ARHGAP15: variants seen among roughly 807,000 people sequenced by gnomAD.
The protein encoded by ARHGAP15 is Rho GTPase activating protein 15.
A neutral mutation model predicts 63.7 loss-of-function variants in ARHGAP15; 51 were observed. The observed-to-expected ratio is 0.80, with a 90% CI of 0.64 to 1.01. ARHGAP15 has a LOEUF of 1.01. Ranked by LOEUF, ARHGAP15 falls within the 50% of genes least tolerant of loss-of-function variation. The pLI, the probability that ARHGAP15 is intolerant of heterozygous loss-of-function variation, is 0.00. For missense variants in ARHGAP15, 560 were observed against 564.6 expected (o/e 0.99, Z 0.08); for synonymous variants, 191 against 193.8 (o/e 0.99, Z 0.12).
At chr2:143,269,375 C>A (rs1317931759) in intron 6 of ARHGAP15, among the ~76,000 whole-genome samples, 3 of 152,158 alleles carry the variant, frequency 2.0e-5, no homozygotes, top group Non-Finnish European at 4.4e-5. Context: ...ATGATCCTTA[C>A]AATCAACTTG....
intron 10 of ARHGAP15, 71 bp from the exon 11 acceptor site, chr2:143,556,337 T>C: frequency 8.3e-7 from 1 of 1,211,104 alleles, no homozygotes; most frequent in Non-Finnish European, 1.2e-6. Context: ...TACTCCTTCT[T>C]TTCATAGATT....
intron 1 of ARHGAP15, among the ~76,000 whole-genome samples, chr2:143,140,969 A>C (rs1339789988): frequency 6.6e-6 from 1 of 152,178 alleles, no homozygotes; most frequent in Non-Finnish European, 1.5e-5. Context: ...GCAAGTGGGC[A>C]GTAGGTTCAG....
intron 13 of ARHGAP15, among the ~76,000 whole-genome samples, chr2:143,735,317 T>A (rs548877068): frequency 6.6e-6 from 1 of 152,268 alleles, no homozygotes; most frequent in African/African-American, 2.4e-5. Flanking sequence ...ATTTGCTGGA[T>A]CACATAACTG....
chr2:143,704,627 A>G (rs536196836), intron 13 of ARHGAP15, among the ~76,000 whole-genome samples: 1 of 152,296 alleles, frequency 6.6e-6, no homozygotes, highest in East Asian at 1.9e-4. Context: ...GCCTTCTGTT[A>G]ACACCTTCTT....
At chr2:143,373,649 A>AAAC (rs1553470791) in intron 6 of ARHGAP15, among the ~76,000 whole-genome samples, 1,404 of 127,848 alleles carry the variant, frequency 0.011, 53 homozygotes, top group South Asian at 0.02. Flanking sequence ...AAAAAAAAAA[A>AAAC]AAAAAAAAAA....
intron 6 of ARHGAP15, among the ~76,000 whole-genome samples, chr2:143,420,910 C>T (rs1251261214): frequency 6.6e-6 from 1 of 152,174 alleles, no homozygotes; most frequent in African/African-American, 2.4e-5. Flanking sequence ...TTAGCTTTCG[C>T]TCCCATCACA....
At chr2:143,638,256 G>A (rs1374318095) in intron 12 of ARHGAP15, among the ~76,000 whole-genome samples, 1 of 143,912 alleles carries the variant, frequency 6.9e-6, no homozygotes, top group Non-Finnish European at 1.5e-5. Flanking sequence ...CAACCCAAAT[G>A]TCCAACAATG....
At chr2:143,592,137 C>A (rs13424103) in intron 11 of ARHGAP15, among the ~76,000 whole-genome samples, 42,435 of 151,872 alleles carry the variant, frequency 0.28, 6,584 homozygotes, top group African/African-American at 0.42. Context: ...CCTAATATAT[C>A]CTCATTTGTT....
intron 6 of ARHGAP15, chr2:143,305,593 A>G (rs1199557161): frequency 6.6e-6 from 1 of 152,124 alleles, no homozygotes; most frequent in African/African-American, 2.4e-5. Flanking sequence ...AAAATGGTCA[A>G]ATATTGGCTC....
chr2:143,130,825 C>T (rs1688888957), intron 1 of ARHGAP15, among the ~76,000 whole-genome samples: 2 of 152,084 alleles, frequency 1.3e-5, no homozygotes, highest in African/African-American at 4.8e-5. Flanking sequence ...GTTGCATTTC[C>T]TCACAATGGA....
At chr2:143,622,346 G>A (rs1173733710) in intron 11 of ARHGAP15, among the ~76,000 whole-genome samples, 4 of 151,986 alleles carry the variant, frequency 2.6e-5, no homozygotes, top group African/African-American at 9.7e-5. Context: ...ATAAGGGCAC[G>A]CAGGGGGTGT....
At chr2:143,705,832 G>A (rs931939226) in intron 13 of ARHGAP15, among the ~76,000 whole-genome samples, 3 of 152,058 alleles carry the variant, frequency 2.0e-5, no homozygotes, top group Admixed American at 6.6e-5. Context: ...AATCTATCTA[G>A]TTAAAAACCT....
intron 12 of ARHGAP15, among the ~76,000 whole-genome samples, chr2:143,661,839 C>T (rs1340924858): frequency 1.3e-5 from 2 of 152,210 alleles, no homozygotes; most frequent in African/African-American, 4.8e-5. Context: ...GTCACTCCCA[C>T]CCGAATATTA....
chr2:143,347,538 G>T (rs1306986737), intron 6 of ARHGAP15, among the ~76,000 whole-genome samples: 1 of 152,074 alleles, frequency 6.6e-6, no homozygotes, highest in African/African-American at 2.4e-5. Context: ...GATATCTGAT[G>T]ATATCATTAG....
chr2:143,586,107 G>A (rs1697097820), intron 11 of ARHGAP15, among the ~76,000 whole-genome samples: 1 of 152,078 alleles, frequency 6.6e-6, no homozygotes, highest in South Asian at 2.1e-4. Flanking sequence ...AGCACTCAGT[G>A]TTGCTGTGAA....
chr2:143,547,805 T>C (rs1246600115), intron 10 of ARHGAP15, among the ~76,000 whole-genome samples: 1 of 151,626 alleles, frequency 6.6e-6, no homozygotes, highest in Non-Finnish European at 1.5e-5. Flanking sequence ...AGTAATGCAA[T>C]AAATTGTTTT....
At chr2:143,415,771 A>G (rs931918586) in intron 6 of ARHGAP15, among the ~76,000 whole-genome samples, 2 of 152,228 alleles carry the variant, frequency 1.3e-5, no homozygotes, top group Non-Finnish European at 2.9e-5. Context: ...TGGTATATAT[A>G]TACAATGGAA....
chr2:143,334,249 CTT>C (rs951727454), intron 6 of ARHGAP15, among the ~76,000 whole-genome samples: 1 of 151,846 alleles, frequency 6.6e-6, no homozygotes, highest in Admixed American at 6.6e-5. Flanking sequence ...AATAAGAGTA[CTT>C]TTTTTTGTTT....
chr2:143,156,465 A>G (rs1041690965), intron 2 of ARHGAP15, among the ~76,000 whole-genome samples: 1 of 151,894 alleles, frequency 6.6e-6, no homozygotes, highest in Non-Finnish European at 1.5e-5. Flanking sequence ...TTAGCTGGGG[A>G]CAGGCTGAGT....
Sources: allele counts gnomAD v4.1 joint callset (sites outside exome capture counted in the v4.1 genomes callset), GRCh38; gene constraint gnomAD v4.1.1; transcripts MANE v1.5; gene names NCBI Gene and HGNC (gene_info 2026-07-23, HGNC 2026-07-21).